The following CFAP52 variants were observed in gnomAD, a reference collection of about 807,000 sequenced individuals.
CFAP52 encodes the protein cilia and flagella associated protein 52, also known as cilia- and flagella-associated protein 52.
In CFAP52, 57 loss-of-function variants were observed where a neutral mutation model predicts 70.5. The observed-to-expected ratio is 0.81, with a 90% CI of 0.65 to 1.01. The LOEUF (loss-of-function observed/expected upper bound fraction) is 1.01. CFAP52 is among the 50% of genes least tolerant of loss of function. CFAP52 has a pLI of 0.00. For synonymous variants in CFAP52, 267 were observed against 292.5 expected (o/e 0.91, Z 0.89); for missense variants, 785 against 788.5 (o/e 1.00, Z 0.05).
intron 3 of CFAP52, among the ~76,000 whole-genome samples, chr17:9,591,752 G>T (rs1567622388): frequency 1.3e-5 from 2 of 152,048 alleles, no homozygotes; most frequent in Admixed American, 6.5e-5. Context: ...GGTGGTGTGT[G>T]CCTGTAGTCC....
At chr17:9,629,755 A>G (rs1246405595) in intron 9 of CFAP52, among the ~76,000 whole-genome samples, 1 of 151,454 alleles carries the variant, frequency 6.6e-6, no homozygotes, top group Non-Finnish European at 1.5e-5. Context: ...CGATGGGCTA[A>G]TTTTTTGTAT....
chr17:9,641,759 C>CA lies in CFAP52; in HGVS notation c.1612dup (p.Arg538LysfsTer29). ...GGGAAGTATTTGATGGGACAGTAAT[C>CA]AGAGAATTGGAAGGTTCCCTGTCTG... is the stretch of plus-strand genomic sequence containing the variant. On this transcript the variant is annotated frameshift_variant, in exon 13 of 14. Transcript: ENST00000352665. LOFTEE classifies it high-confidence loss of function. 1 of 1,613,858 alleles carries CA rather than the reference C, an allele frequency of 6.2e-7. No individual in the cohort carries two copies. Among genetic ancestry groups the CA allele is most frequent in the Non-Finnish European group, 8.5e-7 (1 of 1,179,846 alleles).
intron 1 of CFAP52, among the ~76,000 whole-genome samples, chr17:9,580,588 C>G (rs1282725811): frequency 6.6e-6 from 1 of 151,510 alleles, no homozygotes; most frequent in Admixed American, 6.6e-5. Context: ...ATTCGAGAGG[C>G]TGAGGTGGGA....
chr17:9,588,774 AT>A (rs34511627), intron 3 of CFAP52, among the ~76,000 whole-genome samples: 12 of 144,146 alleles, frequency 8.3e-5, no homozygotes, highest in African/African-American at 2.8e-4. Context: ...ACAGAAAAGA[AT>A]TTTTTTTTTT....
Position 9,635,456 on chromosome 17 carries a change from A to G in CFAP52, c.1372A>G (p.Lys458Glu), listed in dbSNP as rs1351563347. 6 of 1,614,198 alleles carry G rather than the reference A, an allele frequency of 3.7e-6. No individual in the cohort carries two copies. The highest frequency in any genetic ancestry group is 5.1e-6 in the Non-Finnish European group (6 of 1,180,040). ...GACCCAGAAGCTGGAGGAGGCCCTGAAGGAACACAAGTCATCAGTGTCCTG... is the reference window on the plus strand; with the variant it reads ...GACCCAGAAGCTGGAGGAGGCCCTGGAGGAACACAAGTCATCAGTGTCCTG... ...CQTQKLEEAL[K>E]EHKSSVSCIR... is the part of the protein sequence containing the mutation. Residue 458 changes from lysine to glutamate, a missense_variant, in exon 11 of 14, where the codon AAG (lysine) becomes GAG (glutamate). Physicochemically the swap from Lys to Glu is moderately conservative, Grantham distance 56. Coordinates refer to ENST00000352665, the MANE Select transcript of CFAP52 (RefSeq NM_145054.5).
At chr17:9,596,158 G>A (rs1909013484) in intron 4 of CFAP52, among the ~76,000 whole-genome samples, 1 of 145,774 alleles carries the variant, frequency 6.9e-6, no homozygotes, top group South Asian at 2.2e-4. Flanking sequence ...GGAGTGCAAT[G>A]GCGCAATCTC....
At chr17:9,607,392 C>T (rs1214317495) in intron 6 of CFAP52, among the ~76,000 whole-genome samples, 2 of 152,180 alleles carry the variant, frequency 1.3e-5, no homozygotes, top group Non-Finnish European at 1.5e-5. Flanking sequence ...ATATTGCTCA[C>T]GCACATTTTA....
chr17:9,612,324 A>T lies in CFAP52; in HGVS notation c.870A>T (p.Gln290His). 2 of 1,614,126 alleles carry T rather than the reference A, an allele frequency of 1.2e-6. No homozygotes were observed. The highest frequency in any genetic ancestry group is 1.7e-6 in the Non-Finnish European group (2 of 1,179,998). ...GYKPIKKIQL[Q>H]GGITSITLRG... ...CTCCCTAAAGGAAGATTCAGTTACAAGGCGGCATCACTTCTATCACACTTC... is the reference window on the plus strand; with the variant it reads ...CTCCCTAAAGGAAGATTCAGTTACATGGCGGCATCACTTCTATCACACTTC... The change falls in exon 8 of 14, where the codon CAA (glutamine) becomes CAT (histidine). Residue 290 changes from glutamine to histidine, a missense_variant. Coordinates refer to ENST00000352665, the MANE Select transcript of CFAP52 (RefSeq NM_145054.5).
Position 9,614,733 on chromosome 17 carries a change from A to G in CFAP52, c.1025+2254A>G, listed in dbSNP as rs553892961. On this transcript the variant is annotated intron_variant, in intron 8 of 13. Coordinates refer to ENST00000352665, the MANE Select transcript of CFAP52 (RefSeq NM_145054.5). ...TGATATTGTGGATGCTATTCTGTGCATTAAAGGATGTTTGGCAGCATTCCT... is the reference window on the plus strand; with the variant it reads ...TGATATTGTGGATGCTATTCTGTGCGTTAAAGGATGTTTGGCAGCATTCCT... Among the ~76,000 whole-genome samples the G allele has an allele frequency of 2.6e-5, 4 of 152,324 alleles. No individual in the cohort carries two copies. The South Asian group carries it at 8.3e-4, about 32-fold the overall frequency.
intron 8 of CFAP52, among the ~76,000 whole-genome samples, chr17:9,614,067 C>T (rs1418959627): frequency 3.3e-5 from 5 of 151,530 alleles, no homozygotes; most frequent in African/African-American, 1.2e-4. Context: ...GATTTTAAAC[C>T]ATCTTTTCAA....
intron 3 of CFAP52, 122 bp downstream of exon 3, chr17:9,586,956 T>C (rs1388962133): frequency 3.3e-6 from 4 of 1,218,458 alleles, no homozygotes; most frequent in Non-Finnish European, 4.4e-6. Flanking sequence ...TTGTACAGAT[T>C]ATTTCATCAA....
intron 6 of CFAP52, among the ~76,000 whole-genome samples, chr17:9,604,874 A>G (rs1909422913): frequency 6.6e-6 from 1 of 152,196 alleles, no homozygotes. Context: ...CGGGAAATGT[A>G]ATTAAAACAG....
chr17:9,585,385 T>G (rs575672256), intron 1 of CFAP52, among the ~76,000 whole-genome samples: 7 of 152,106 alleles, frequency 4.6e-5, no homozygotes, highest in Non-Finnish European at 8.8e-5. Flanking sequence ...TTTTAAAGTG[T>G]TGGCCGGGCG....
At chr17:9,610,535 T>A (rs1909674289) in intron 7 of CFAP52, among the ~76,000 whole-genome samples, 1 of 151,924 alleles carries the variant, frequency 6.6e-6, no homozygotes, top group Non-Finnish European at 1.5e-5. Context: ...TTCCCCATTT[T>A]TTTTTTTTGT....
At chr17:9,631,052 G>GAGAGAGAGAGAGAGAGAGAGAGAGAC (rs370935367) in intron 9 of CFAP52, among the ~76,000 whole-genome samples, 1 of 37,950 alleles carries the variant, frequency 2.6e-5, no homozygotes, top group Non-Finnish European at 4.5e-5. Context: ...GAGAGAGAGA[G>GAGAGAGAGAGAGAGAGAGAGAGAGAC]AGAAAGAAAG....
rs760499389 is a variant in CFAP52, at chr17:9,612,429, G to A, written c.975G>A (p.Thr325=). 1.2e-5 allele frequency: 19 copies of A among 1,614,040 alleles called. No homozygotes were observed. Among genetic ancestry groups the A allele is most frequent in the South Asian group, 5.5e-5 (5 of 91,076 alleles). The change falls in exon 8 of 14, where the codon ACG becomes ACA. Residue 325 remains threonine, a synonymous_variant. Coordinates refer to ENST00000352665, the MANE Select transcript of CFAP52 (RefSeq NM_145054.5). ...YRVSFTDFKE[T]LIATCHFDAV... ...TCAGCTTCACGGATTTCAAAGAGACGCTCATAGCGACTTGTCACTTTGATG... is the reference window on the plus strand; with the variant it reads ...TCAGCTTCACGGATTTCAAAGAGACACTCATAGCGACTTGTCACTTTGATG...
chr17:9,591,720 A>T (rs1415537856), intron 3 of CFAP52, among the ~76,000 whole-genome samples: 1 of 152,106 alleles, frequency 6.6e-6, no homozygotes, highest in African/African-American at 2.4e-5. Context: ...TTTCCACAAA[A>T]ACTGAAAAAT....
intron 13 of CFAP52, among the ~76,000 whole-genome samples, chr17:9,642,497 G>A (rs1343636017): frequency 2.6e-5 from 4 of 152,174 alleles, no homozygotes; most frequent in East Asian, 1.9e-4. Context: ...GGTGGTGCAC[G>A]CCTATAATCC....
rs759375500 is a variant in CFAP52 at position 9,586,844 on chromosome 17, T to C, written c.407+10T>C. 5 of 1,574,992 alleles carry C rather than the reference T, an allele frequency of 3.2e-6. No individual in the cohort carries two copies. The South Asian group carries it at 6.0e-5, about 19-fold the overall frequency. ...GCCCAGATGACGGAAGGTAATGAAC[T>C]AAACATAGTTACTTATTTTCTTTAT... On this transcript the variant is annotated intron_variant, in intron 3 of 13. Transcript: ENST00000352665.
Sources: gnomAD v4.1 joint callset for allele counts (sites outside exome capture counted in the v4.1 genomes callset) on GRCh38, gnomAD v4.1.1 for gene constraint, MANE v1.5 for transcripts, NCBI Gene and HGNC (gene_info 2026-07-23, HGNC 2026-07-21) for gene names.